The following CEP128 variants were observed in gnomAD, a reference collection of about 807,000 sequenced individuals.
CEP128 encodes centrosomal protein 128kDa.
In CEP128, 132 loss-of-function variants were observed where a neutral mutation model predicts 156.7. The observed-to-expected ratio is 0.84, with a 90% CI of 0.73 to 0.97. The LOEUF (loss-of-function observed/expected upper bound fraction) is 0.97, where lower values mean the gene tolerates loss of function less well. Ranked by LOEUF, CEP128 falls within the 50% of genes least tolerant of loss-of-function variation. The pLI is 0.00. For missense variants in CEP128, 1,252 were observed against 1,281.9 expected (o/e 0.98, Z 0.36); for synonymous variants, 469 against 448.9 (o/e 1.04, Z -0.57).
At chr14:80,650,831 T>C (rs940065262) in intron 19 of CEP128, among the ~76,000 whole-genome samples, 23 of 152,148 alleles carry the variant, frequency 1.5e-4, no homozygotes, top group Non-Finnish European at 3.1e-4. Flanking sequence ...AGTATTTTAT[T>C]TAGGATTTTC....
intron 7 of CEP128, 44 bp downstream of exon 7, chr14:80,899,894 C>T: frequency 7.7e-7 from 1 of 1,302,218 alleles, no homozygotes; most frequent in Non-Finnish European, 1.1e-6. Flanking sequence ...AATTTATTCT[C>T]CTCATAATTT....
At chr14:80,635,536 AAG>A (rs766452922) in intron 19 of CEP128, among the ~76,000 whole-genome samples, 50 of 152,336 alleles carry the variant, frequency 3.3e-4, no homozygotes, top group Non-Finnish European at 5.3e-4. Context: ...ACGCTGCAAG[AAG>A]AGTTTCTTCT....
intron 19 of CEP128, among the ~76,000 whole-genome samples, chr14:80,693,481 C>G (rs1896785674): frequency 6.6e-6 from 1 of 152,030 alleles, no homozygotes; most frequent in African/African-American, 2.4e-5. Flanking sequence ...AAATCTCAAT[C>G]AAAATCTAAT....
chr14:80,876,754 AAG>A (rs1178578759), intron 8 of CEP128, among the ~76,000 whole-genome samples: 2 of 152,212 alleles, frequency 1.3e-5, no homozygotes, highest in Non-Finnish European at 2.9e-5. Flanking sequence ...TAGAAAGTGA[AAG>A]AAATTTTCAG....
At chr14:80,872,165 A>C (rs1888059918) in intron 8 of CEP128, among the ~76,000 whole-genome samples, 1 of 152,170 alleles carries the variant, frequency 6.6e-6, no homozygotes, top group South Asian at 2.1e-4. Flanking sequence ...TCCTCCAAAA[A>C]TAATCAAATA....
chr14:80,585,385 G>A (rs564810941), intron 19 of CEP128, among the ~76,000 whole-genome samples: 14 of 152,344 alleles, frequency 9.2e-5, no homozygotes, highest in Non-Finnish European at 1.5e-4. Flanking sequence ...CCAAGAAGCA[G>A]ATAGATTGTT....
rs1006332556 is a variant in CEP128, at chr14:80,785,035, C to G, written c.2071G>C (p.Asp691His). 3 of 1,614,062 alleles carry G rather than the reference C, an allele frequency of 1.9e-6. No homozygotes were observed. The highest frequency in any genetic ancestry group is 2.5e-6 in the Non-Finnish European group (3 of 1,180,018). The change falls in exon 15 of 25, where the codon GAT becomes CAT. Residue 691 changes from aspartate (D) to histidine (H), a missense_variant. Asp to His is a moderately conservative substitution (Grantham distance 81). Coordinates refer to ENST00000555265, the MANE Select transcript of CEP128 (RefSeq NM_152446.5). ...TIITQLKLER[D>H]VHQRELKDLT... ...TCTTTCAGCTCCCTCTGGTGCACAT[C>G]TCGTTCCAGCTTTAACTGTGTGATG...
In CEP128 at chr14:80,895,935, G is replaced by A. The variant is rs910223226; in HGVS notation, c.573-145C>T. ...ATGTTATAAACATCTGAAACACGTG[G>A]AAGGCTTGTTAAAACACAGACTGCT... On this transcript the variant is annotated intron_variant, in intron 7 of 24. Coordinates refer to ENST00000555265, the MANE Select transcript of CEP128 (RefSeq NM_152446.5). 1.9e-5 allele frequency: 12 copies of A among 640,234 alleles called. No homozygotes were observed. In the Admixed American group the frequency reaches 4.4e-4, roughly 23 times the overall value. 39.7% of individuals were successfully genotyped at this position (640,234 alleles called of 1,614,324 possible). A position where few individuals can be genotyped will look rare whatever the true frequency, so the allele number is the denominator to read the frequency against.
At chr14:80,818,003 A>C (rs1417887749) in intron 13 of CEP128, among the ~76,000 whole-genome samples, 1 of 152,222 alleles carries the variant, frequency 6.6e-6, no homozygotes, top group Non-Finnish European at 1.5e-5. Flanking sequence ...ATAAAAGAAT[A>C]AAGGTAAACA....
intron 4 of CEP128, among the ~76,000 whole-genome samples, chr14:80,908,988 C>CTCCA (rs10528296): frequency 0.49 from 74,743 of 151,538 alleles, 18,881 homozygotes; most frequent in African/African-American, 0.56. Context: ...GGTTCCTGAA[C>CTCCA]TCCAGCTTTG....
At chr14:80,877,575 A>G (rs1368540040) in intron 8 of CEP128, among the ~76,000 whole-genome samples, 4 of 152,226 alleles carry the variant, frequency 2.6e-5, no homozygotes, top group Admixed American at 2.6e-4. Flanking sequence ...AACCAAAATA[A>G]CTACAGGAGA....
At chr14:80,945,536 T>C (rs1416582905), upstream of CEP128, 1 of 152,198 alleles carries the variant, frequency 6.6e-6, no homozygotes, top group Non-Finnish European at 1.5e-5. Flanking sequence ...TATAGCCTTG[T>C]TTATGTTATA....
At chr14:80,896,436 TGC>T (rs1889353972) in intron 7 of CEP128, among the ~76,000 whole-genome samples, 1 of 152,212 alleles carries the variant, frequency 6.6e-6, no homozygotes, top group African/African-American at 2.4e-5. Context: ...TTTTGCTGGT[TGC>T]CTTCATCATG....
At chr14:80,838,369 A>G in intron 10 of CEP128, 91 bp from the exon 11 acceptor site, 2 of 865,518 alleles carry the variant, frequency 2.3e-6, no homozygotes, top group Non-Finnish European at 3.7e-6. Flanking sequence ...AGAAAAGTGG[A>G]AAAGTTTTCA....
At chr14:80,914,962 G>A (rs1331317067) in intron 3 of CEP128, among the ~76,000 whole-genome samples, 1 of 152,132 alleles carries the variant, frequency 6.6e-6, no homozygotes, top group Admixed American at 6.6e-5. Context: ...ACTTATTAAT[G>A]TGTCTCATTG....
chr14:80,630,672 A>G (rs912619833), intron 19 of CEP128, among the ~76,000 whole-genome samples: 3 of 151,974 alleles, frequency 2.0e-5, no homozygotes, highest in Non-Finnish European at 2.9e-5. Context: ...CCAACAACCA[A>G]ATATTTCTGT....
intron 16 of CEP128, among the ~76,000 whole-genome samples, chr14:80,777,514 C>A (rs1900859200): frequency 6.6e-6 from 1 of 152,198 alleles, no homozygotes; most frequent in East Asian, 1.9e-4. Flanking sequence ...CAGACTAAGA[C>A]ACTAACTCAA....
At chr14:80,903,945 C>A (rs7493314) in intron 6 of CEP128, among the ~76,000 whole-genome samples, 66,490 of 151,766 alleles carry the variant, frequency 0.44, 14,980 homozygotes, top group South Asian at 0.56. Flanking sequence ...TCTTCAAAAA[C>A]TAAAAATAAG....
At chr14:80,904,988 T>C in intron 5 of CEP128, 57 bp from the exon 6 acceptor site, 1 of 1,019,964 alleles carries the variant, frequency 9.8e-7, no homozygotes, top group Non-Finnish European at 1.6e-6. Context: ...AGAGACAATC[T>C]AAAATTTTAC....
Sources: allele counts gnomAD v4.1 joint callset (sites outside exome capture counted in the v4.1 genomes callset), GRCh38; gene constraint gnomAD v4.1.1; transcripts MANE v1.5; gene names NCBI Gene and HGNC (gene_info 2026-07-23, HGNC 2026-07-21).